The following NPHP1 variants were observed in gnomAD, a reference collection of about 807,000 sequenced individuals.
NPHP1 encodes nephrocystin-1.
A neutral mutation model predicts 90.4 loss-of-function variants in NPHP1; 70 were observed. The observed-to-expected ratio is 0.77, with a 90% CI of 0.64 to 0.95. The LOEUF is 0.95. Among genes scored for constraint, NPHP1 ranks in the 40% least tolerant of loss-of-function variants. The pLI is 0.00. For synonymous variants in NPHP1, 256 were observed against 271.7 expected, an observed-to-expected ratio of 0.94 and a Z score of 0.57; for missense variants, 764 against 795.9, an observed-to-expected ratio of 0.96 and a Z score of 0.48.
chr2:110,123,708 T>A lies in NPHP1; in HGVS notation c.*83A>T, dbSNP rs1202777389. 5.6e-6 allele frequency: 8 copies of A among 1,418,820 alleles called. No individual in the cohort carries two copies. The highest frequency in any genetic ancestry group is 2.8e-5 in the African/African-American group (2 of 71,180). The allele number at this position is 1,418,820 out of a possible 1,614,324, so 87.9% of individuals were successfully genotyped here. On this transcript the variant is annotated 3_prime_UTR_variant, in exon 20 of 20. Coordinates refer to ENST00000445609, the MANE Select transcript of NPHP1 (RefSeq NM_001128178.3). ...AACCTAAGTTGTAAAGTGACAGTGATTTTTGGTTCCATCATTTTATTCACG... is the reference window on the plus strand; with the variant it reads ...AACCTAAGTTGTAAAGTGACAGTGAATTTTGGTTCCATCATTTTATTCACG...
In NPHP1 at chr2:110,137,300, C is replaced by A. The variant is rs368288098; in HGVS notation, c.1530-5509G>T. ...ATGTCTAAAACACCAAAAGCAATGGCAACCAAAGCCAAAATTAACAAATGG... is the reference window on the plus strand; with the variant it reads ...ATGTCTAAAACACCAAAAGCAATGGAAACCAAAGCCAAAATTAACAAATGG... On this transcript the variant is annotated intron_variant, in intron 16 of 19. Coordinates refer to ENST00000445609, the MANE Select transcript of NPHP1 (RefSeq NM_001128178.3). 4.8e-4 allele frequency among the ~76,000 whole-genome samples: 73 copies of A among 152,196 alleles called. No individual in the cohort carries two copies. In the South Asian group the frequency reaches 0.015, roughly 31 times the overall value.
At chr2:110,191,395 G>A (rs534451951) in intron 2 of NPHP1, among the ~76,000 whole-genome samples, 16 of 152,288 alleles carry the variant, frequency 1.1e-4, no homozygotes, top group African/African-American at 3.6e-4. Flanking sequence ...AGGGTCCTAC[G>A]CCCAGAGAGC....
Position 110,200,232 on chromosome 2 carries a change from G to A in NPHP1, c.143+1189C>T, listed in dbSNP as rs999358637. 6.0e-5 allele frequency among the ~76,000 whole-genome samples: 9 copies of A among 151,004 alleles called. No individual in the cohort carries two copies. In the East Asian group the frequency reaches 1.8e-3, roughly 30 times the overall value. On this transcript the variant is annotated intron_variant, in intron 2 of 19. Coordinates refer to ENST00000445609, the MANE Select transcript of NPHP1 (RefSeq NM_001128178.3). ...ATCATGCCACTGCACTCCAGCCTGG[G>A]CGACAGAGAGAGACTCTATCTCAAA...
chr2:110,171,043 T>C (rs1683096945), intron 4 of NPHP1, among the ~76,000 whole-genome samples: 1 of 152,016 alleles, frequency 6.6e-6, no homozygotes, highest in African/African-American at 2.4e-5. Context: ...AAAGGTATAA[T>C]GTGGGGAACA....
chr2:110,129,897 C>T (rs535633984), intron 17 of NPHP1, among the ~76,000 whole-genome samples: 151 of 152,264 alleles, frequency 9.9e-4, no homozygotes, highest in African/African-American at 3.4e-3. Flanking sequence ...AGTCTGTTTG[C>T]GCTGCTGTAG....
intron 1 of NPHP1, among the ~76,000 whole-genome samples, chr2:110,203,202 G>A (rs1235543918): frequency 1.3e-5 from 2 of 151,762 alleles, no homozygotes; most frequent in Non-Finnish European, 2.9e-5. Context: ...GTTCTCACTC[G>A]TTGAGTACAC....
chr2:110,164,419 G>GA, intron 8 of NPHP1: 1 of 732,848 alleles, frequency 1.4e-6, no homozygotes, highest in Non-Finnish European at 2.4e-6. Context: ...CAAATGATAG[G>GA]AAAGCAGGAT....
intron 2 of NPHP1, among the ~76,000 whole-genome samples, chr2:110,190,836 C>T (rs1684667429): frequency 6.6e-6 from 1 of 152,026 alleles, no homozygotes; most frequent in African/African-American, 2.4e-5. Flanking sequence ...TGTCTAATAT[C>T]CAGAGTCTAA....
intron 2 of NPHP1, among the ~76,000 whole-genome samples, chr2:110,197,795 T>C (rs1574208406): frequency 6.6e-6 from 1 of 152,114 alleles, no homozygotes; most frequent in Admixed American, 6.5e-5. Context: ...TTTTGGCAGG[T>C]GTCATGTTAC....
chr2:110,139,377 T>C (rs764007679), intron 16 of NPHP1, among the ~76,000 whole-genome samples: 1 of 152,120 alleles, frequency 6.6e-6, no homozygotes. Context: ...TTTTGAAAAA[T>C]AGCTCCAAAA....
chr2:110,145,547 C>T (rs1680980364), intron 14 of NPHP1, among the ~76,000 whole-genome samples: 2 of 152,194 alleles, frequency 1.3e-5, no homozygotes, highest in Middle Eastern at 3.4e-3. Context: ...GCCAAGGCCT[C>T]CCAAAGTGCT....
At chr2:110,194,185 A>C (rs972094568) in intron 2 of NPHP1, among the ~76,000 whole-genome samples, 12 of 152,002 alleles carry the variant, frequency 7.9e-5, no homozygotes, top group East Asian at 5.8e-4. Flanking sequence ...GATAGAGACA[A>C]AAAAACCCTT....
At chr2:110,137,356 G>A (rs1383821263) in intron 16 of NPHP1, among the ~76,000 whole-genome samples, 5 of 152,160 alleles carry the variant, frequency 3.3e-5, no homozygotes, top group Non-Finnish European at 7.4e-5. Context: ...CTCCTGCACA[G>A]CAAAAGAAAC....
chr2:110,161,667 T>G lies in NPHP1; in HGVS notation c.890A>C (p.Gln297Pro), dbSNP rs747172399. 6.2e-7 allele frequency: 1 copy of G among 1,613,244 alleles called. No homozygotes were observed. The highest frequency in any genetic ancestry group is 1.7e-5 in the Admixed American group (1 of 60,008). The change falls in exon 10 of 20, where the codon CAA becomes CCA. Residue 297 changes from glutamine (Q) to proline (P), a missense_variant. By Grantham distance (76) the Gln-to-Pro change is moderately conservative. Coordinates refer to ENST00000445609, the MANE Select transcript of NPHP1 (RefSeq NM_001128178.3). ...CAGTTGTGAAGGCATGAGCTCTGGT[T>G]GTAAGAAGTAATTTGCTCGAAATTG... is the stretch of plus-strand genomic sequence containing the variant. ...GNQFRANYFL[Q>P]PELMPSQLAF... is the part of the protein sequence containing the mutation.
chr2:110,134,821 A>G (rs1680046613), intron 16 of NPHP1, among the ~76,000 whole-genome samples: 5 of 152,236 alleles, frequency 3.3e-5, no homozygotes, highest in Admixed American at 1.3e-4. Context: ...AGGAATAGAA[A>G]GAAACTACTG....
At chr2:110,154,627 G>A (rs1173656027) in intron 11 of NPHP1, among the ~76,000 whole-genome samples, 1 of 152,130 alleles carries the variant, frequency 6.6e-6, no homozygotes, top group African/African-American at 2.4e-5. Flanking sequence ...GTTGGGCACT[G>A]GAGAAAAGGT....
At chr2:110,146,533 T>C (rs950197788) in intron 14 of NPHP1, among the ~76,000 whole-genome samples, 1 of 152,124 alleles carries the variant, frequency 6.6e-6, no homozygotes, top group Non-Finnish European at 1.5e-5. Flanking sequence ...AGTGCAAACA[T>C]CTTTTAAAAT....
intron 17 of NPHP1, 126 bp from the exon 18 acceptor site, chr2:110,129,385 C>T (rs1461290251): frequency 1.3e-6 from 1 of 776,244 alleles, no homozygotes; most frequent in African/African-American, 1.7e-5. Context: ...ACATTCTACA[C>T]ACTTTGACTT....
intron 2 of NPHP1, chr2:110,184,220 C>T: frequency 3.5e-6 from 2 of 572,532 alleles, no homozygotes; most frequent in South Asian, 2.8e-5. Flanking sequence ...TTGAAGGTGA[C>T]ATCTTCATTG....
Sources: allele counts gnomAD v4.1 joint callset (sites outside exome capture counted in the v4.1 genomes callset), GRCh38; gene constraint gnomAD v4.1.1; transcripts MANE v1.5; gene names NCBI Gene and HGNC (gene_info 2026-07-23, HGNC 2026-07-21).